The following THSD4 variants were observed in gnomAD, a reference collection of about 807,000 sequenced individuals.
THSD4 encodes the protein thrombospondin type 1 domain containing 4.
THSD4 carries 69 observed loss-of-function variants against 119.0 expected under a neutral mutation model. The observed-to-expected ratio is 0.58, with a 90% CI of 0.48 to 0.71. The LOEUF is 0.71. THSD4 is among the 30% of genes least tolerant of loss of function. The pLI is 0.00. For missense variants in THSD4, 1,393 were observed against 1,391.1 expected, an observed-to-expected ratio of 1.00 and a Z score of -0.02; for synonymous variants, 524 against 540.4, an observed-to-expected ratio of 0.97 and a Z score of 0.42.
chr15:71,447,076 A>G (rs1415947123), intron 7 of THSD4, among the ~76,000 whole-genome samples: 2 of 150,734 alleles, frequency 1.3e-5, no homozygotes, highest in Non-Finnish European at 2.9e-5. Context: ...TGGGTTTGCA[A>G]ACAACAGTGT....
rs2054024089 is a variant in THSD4, at chr15:71,783,245, T to C, written c.*5871T>C. 6.6e-6 allele frequency: 1 copy of C among 152,264 alleles called. No homozygotes were observed. The highest frequency in any genetic ancestry group is 2.4e-5 in the African/African-American group (1 of 41,464). The allele number at this position is 152,264 out of a possible 1,614,324, so 9.4% of individuals were successfully genotyped here. ...GTGTGTGACTAATTTATTTTTATTA[T>C]TGTAAAGATACAATAAACCGGTTGA... On this transcript the variant is annotated 3_prime_UTR_variant, in exon 18 of 18. Coordinates refer to ENST00000261862, the MANE Select transcript of THSD4 (RefSeq NM_024817.3).
chr15:71,190,709 C>T (rs983044198), intron 3 of THSD4, among the ~76,000 whole-genome samples: 1 of 152,176 alleles, frequency 6.6e-6, no homozygotes. Flanking sequence ...GGGTGGTAGC[C>T]ACTGTCCTAG....
chr15:71,683,220 C>T (rs142868809), intron 8 of THSD4, among the ~76,000 whole-genome samples: 6 of 152,028 alleles, frequency 3.9e-5, no homozygotes, highest in African/African-American at 1.5e-4. Flanking sequence ...TCGCACCCAG[C>T]CTTGCTTCTT....
At chr15:71,617,227 T>G (rs558126150) in intron 7 of THSD4, among the ~76,000 whole-genome samples, 1 of 152,338 alleles carries the variant, frequency 6.6e-6, no homozygotes, top group South Asian at 2.1e-4. Flanking sequence ...AGTAATTTTC[T>G]AGTTTTGCAA....
chr15:71,199,576 G>GCA (rs1416791715), intron 3 of THSD4, among the ~76,000 whole-genome samples: 34 of 143,658 alleles, frequency 2.4e-4, no homozygotes, highest in African/African-American at 8.8e-4. Context: ...TGTGTGTAGT[G>GCA]TGTGTGTGTG....
rs1399735294 is a variant in THSD4, at chr15:71,242,961, CTTT to C, written c.778_780del (p.Phe260del). ...AAGGCTACCCTGCAGCTTCAAGTCT[CTTT>C]CACAGCCCAGAAACAAGCAACAACC... On this transcript the variant is annotated inframe_deletion, in exon 5 of 18. Coordinates refer to ENST00000261862, the MANE Select transcript of THSD4 (RefSeq NM_024817.3). 1.2e-6 allele frequency: 2 copies of C among 1,614,248 alleles called. No homozygotes were observed. Among genetic ancestry groups the C allele is most frequent in the Non-Finnish European group, 1.7e-6 (2 of 1,180,046 alleles).
intron 6 of THSD4, among the ~76,000 whole-genome samples, chr15:71,333,018 C>G (rs532315602): frequency 9.2e-4 from 139 of 150,970 alleles, no homozygotes; most frequent in African/African-American, 3.1e-3. Context: ...AGCTTGGTAT[C>G]TGGTCTAGCT....
intron 7 of THSD4, among the ~76,000 whole-genome samples, chr15:71,570,289 C>T (rs1353808670): frequency 6.6e-6 from 1 of 152,074 alleles, no homozygotes; most frequent in Non-Finnish European, 1.5e-5. Context: ...CTTAATTGCT[C>T]ACAACAACCC....
At chr15:71,200,438 T>C (rs1337212992) in intron 3 of THSD4, among the ~76,000 whole-genome samples, 5 of 152,104 alleles carry the variant, frequency 3.3e-5, no homozygotes, top group Admixed American at 6.5e-5. Context: ...CCGAGGACCC[T>C]GAAATGCCTG....
intron 3 of THSD4, among the ~76,000 whole-genome samples, chr15:71,204,738 T>C (rs192160815): frequency 6.6e-6 from 1 of 152,334 alleles, no homozygotes; most frequent in African/African-American, 2.4e-5. Flanking sequence ...TTTGCTGTTA[T>C]ACCTCTTTTA....
intron 7 of THSD4, among the ~76,000 whole-genome samples, chr15:71,442,660 G>GTATATATATATA (rs71154772): frequency 1.9e-4 from 5 of 25,772 alleles, no homozygotes; most frequent in Admixed American, 5.1e-4. Flanking sequence ...GTGTGTGTGT[G>GTATATATATATA]TATATATATA....
chr15:71,695,502 A>ATATGTGTGTGTG (rs2052146183), intron 8 of THSD4, among the ~76,000 whole-genome samples: 2 of 144,128 alleles, frequency 1.4e-5, no homozygotes, highest in African/African-American at 5.1e-5. Context: ...GTGTGTGTGC[A>ATATGTGTGTGTG]TGTGTGTGTG....
intron 7 of THSD4, among the ~76,000 whole-genome samples, chr15:71,546,680 A>C (rs2048842522): frequency 6.6e-6 from 1 of 152,186 alleles, no homozygotes; most frequent in Non-Finnish European, 1.5e-5. Context: ...GGGGGATATA[A>C]TGGCTTCCAC....
At chr15:71,158,108 G>A (rs1330118878) in intron 3 of THSD4, among the ~76,000 whole-genome samples, 3 of 147,920 alleles carry the variant, frequency 2.0e-5, no homozygotes, top group Admixed American at 2.0e-4. Context: ...CCCACAGTAC[G>A]TAAGTGTTCA....
At chr15:71,561,893 CACACACACACACACACACACACACACAA>C (rs1567037568) in intron 7 of THSD4, among the ~76,000 whole-genome samples, 5 of 100,598 alleles carry the variant, frequency 5.0e-5, no homozygotes, top group African/African-American at 1.4e-4. Context: ...CACACACACA[CACACACACACACACACACACACACACAA>C]ACACTCACTC....
chr15:71,279,171 A>G (rs1275172702), intron 6 of THSD4, among the ~76,000 whole-genome samples: 1 of 152,224 alleles, frequency 6.6e-6, no homozygotes, highest in Non-Finnish European at 1.5e-5. Flanking sequence ...CTTACATTCC[A>G]GTCAATTCAC....
At chr15:71,527,708 C>CTTTTTTT (rs10635101) in intron 7 of THSD4, among the ~76,000 whole-genome samples, 50 of 79,736 alleles carry the variant, frequency 6.3e-4, no homozygotes, top group African/African-American at 7.7e-4. Flanking sequence ...TGTTTATCCT[C>CTTTTTTT]TTTTTTTTTT....
At chr15:71,256,573 G>A (rs773001641) in intron 5 of THSD4, 40 bp from the exon 6 acceptor site, 39 of 1,560,484 alleles carry the variant, frequency 2.5e-5, no homozygotes, top group Non-Finnish European at 3.4e-5. Flanking sequence ...GCTATGAAAA[G>A]TATGGACACT....
chr15:71,771,941 C>T (rs745972274), intron 17 of THSD4, among the ~76,000 whole-genome samples: 4 of 152,132 alleles, frequency 2.6e-5, no homozygotes, highest in Admixed American at 6.6e-5. Context: ...GAAGGCACCT[C>T]GCACATAGAT....
Sources: allele counts gnomAD v4.1 joint callset (sites outside exome capture counted in the v4.1 genomes callset), GRCh38; gene constraint gnomAD v4.1.1; transcripts MANE v1.5; gene names NCBI Gene and HGNC (gene_info 2026-07-23, HGNC 2026-07-21).